CEP63: variants seen among roughly 807,000 people sequenced by gnomAD.
CEP63 encodes centrosomal protein of 63 kDa.
CEP63 carries 84 observed loss-of-function variants against 89.1 expected under a neutral mutation model. That is an observed-to-expected ratio of 0.94 (90% CI 0.79 to 1.13). The LOEUF is 1.13. Among genes scored for constraint, CEP63 ranks in the 50% most tolerant of loss-of-function variants. The pLI, the probability that CEP63 is intolerant of heterozygous loss-of-function variation, is 0.00. For synonymous variants in CEP63, 267 were observed against 272.5 expected (o/e 0.98, Z 0.20); for missense variants, 838 against 813.3 (o/e 1.03, Z -0.37).
chr3:134,665,700 CACAG>C, the CEP63 span, among the ~76,000 whole-genome samples: 313 of 106,606 alleles, frequency 2.9e-3, 2 homozygotes, highest in African/African-American at 0.011. Flanking sequence ...CACACACACA[CACAG>C]AGAGAGAGAG....
At chr3:134,585,386 TG>T (rs1958463894) in intron 10 of CEP63, among the ~76,000 whole-genome samples, 1 of 152,200 alleles carries the variant, frequency 6.6e-6, no homozygotes, top group Admixed American at 6.5e-5. Context: ...TGGTATGTTG[TG>T]TCTTTGTTCT....
At chr3:134,554,750 T>C (rs1251587202) in intron 12 of CEP63, among the ~76,000 whole-genome samples, 2 of 152,164 alleles carry the variant, frequency 1.3e-5, no homozygotes, top group African/African-American at 4.8e-5. Flanking sequence ...CACCTGTTGT[T>C]TCCTGACTTT....
the CEP63 span, among the ~76,000 whole-genome samples, chr3:134,744,906 C>G: frequency 6.6e-6 from 1 of 152,172 alleles, no homozygotes; most frequent in African/African-American, 2.4e-5. Context: ...ACACCCTCAT[C>G]TTTTCTAAAA....
chr3:134,576,010 C>T (rs1958205628), downstream of CEP63, among the ~76,000 whole-genome samples: 2 of 152,218 alleles, frequency 1.3e-5, no homozygotes, highest in South Asian at 4.1e-4. Flanking sequence ...ATCATAATTA[C>T]ATATTGCAGA....
At chr3:134,585,305 G>T (rs1958461321) in intron 10 of CEP63, among the ~76,000 whole-genome samples, 1 of 151,974 alleles carries the variant, frequency 6.6e-6, no homozygotes, top group Non-Finnish European at 1.5e-5. Context: ...GATCTTTCCT[G>T]CCTTCTCTTG....
At chr3:134,529,797 C>G (rs1409124923) in intron 3 of CEP63, among the ~76,000 whole-genome samples, 1 of 151,266 alleles carries the variant, frequency 6.6e-6, no homozygotes, top group Non-Finnish European at 1.5e-5. Context: ...GTGAGCCACT[C>G]TACCTGGCTC....
At chr3:134,639,939 C>T in the CEP63 span, 2 of 106,778 alleles carry the variant, frequency 1.9e-5, no homozygotes, top group African/African-American at 3.9e-5. Flanking sequence ...CACAGAGTGA[C>T]ACCCTGTCTC....
In CEP63 at chr3:134,561,455, C is replaced by G; in HGVS notation, c.2032C>G (p.Leu678Val). The change falls in exon 15 of 15, where the codon CTA becomes GTA. Residue 678 changes from leucine to valine, a missense_variant. Transcript: ENST00000675561. Reference sequence around the variant, plus strand: ...GGAGGAACTGAGGTCTCATCACATTCTAGAGCGCTTGGATGCCCATATTGA... The same window carrying G: ...GGAGGAACTGAGGTCTCATCACATTGTAGAGCGCTTGGATGCCCATATTGA... ...EEEELRSHHI[L>V]ERLDAHIEEL... is the part of the protein sequence containing the mutation. The G allele has an allele frequency of 6.2e-7, 1 of 1,613,864 alleles. No homozygotes were observed. Among genetic ancestry groups the G allele is most frequent in the Non-Finnish European group, 8.5e-7 (1 of 1,179,830 alleles).
At chr3:134,766,080 T>C in the CEP63 span, among the ~76,000 whole-genome samples, 2 of 152,196 alleles carry the variant, frequency 1.3e-5, no homozygotes, top group African/African-American at 2.4e-5. Flanking sequence ...AATCAACTTG[T>C]GTGGGAAGAA....
At chr3:134,625,208 C>T in the CEP63 span, 1 of 1,172,228 alleles carries the variant, frequency 8.5e-7, no homozygotes. Context: ...GCCTTGCTGT[C>T]TCTTTGAGGA....
intron 11 of CEP63, among the ~76,000 whole-genome samples, chr3:134,573,013 A>G (rs1437011723): frequency 6.6e-6 from 1 of 152,108 alleles, no homozygotes; most frequent in Non-Finnish European, 1.5e-5. Context: ...ATAATTAGTG[A>G]TGTTGAGCAT....
At chr3:134,752,918 C>T in the CEP63 span, among the ~76,000 whole-genome samples, 13 of 152,110 alleles carry the variant, frequency 8.5e-5, no homozygotes, top group African/African-American at 1.4e-4. Flanking sequence ...CTCTGCCTAC[C>T]GCTTCCAGGC....
At chr3:134,691,799 A>G in the CEP63 span, among the ~76,000 whole-genome samples, 3 of 151,658 alleles carry the variant, frequency 2.0e-5, no homozygotes, top group Non-Finnish European at 4.4e-5. Flanking sequence ...GGCTCACTGC[A>G]ACCTCTGCCT....
chr3:134,534,219 A>T (rs1183380330), intron 5 of CEP63, among the ~76,000 whole-genome samples: 2 of 152,162 alleles, frequency 1.3e-5, no homozygotes, highest in African/African-American at 4.8e-5. Flanking sequence ...GGATCTTAGG[A>T]TCTGGAGAGA....
chr3:134,740,738 C>A, the CEP63 span, among the ~76,000 whole-genome samples: 2 of 152,140 alleles, frequency 1.3e-5, no homozygotes, highest in African/African-American at 4.8e-5. Context: ...AAACACTATT[C>A]AGAACTCAAA....
intron 11 of CEP63, among the ~76,000 whole-genome samples, chr3:134,571,458 G>T (rs144018924): frequency 5.3e-4 from 80 of 152,304 alleles, no homozygotes; most frequent in African/African-American, 1.9e-3. Flanking sequence ...GAGGCAGGTG[G>T]ATCATGAGGT....
intron 12 of CEP63, among the ~76,000 whole-genome samples, chr3:134,556,804 A>G (rs1391947260): frequency 6.6e-6 from 1 of 152,154 alleles, no homozygotes; most frequent in East Asian, 1.9e-4. Flanking sequence ...ATTACCTTTC[A>G]TATTCATTTA....
At position 134,562,106 on chromosome 3, in the gene CEP63, G is replaced by T. The variant is rs9809619; in HGVS notation, c.*571G>T. 661,891 of 989,508 alleles carry T rather than the reference G, an allele frequency of 0.67. 222,024 individuals are homozygous for T. The highest frequency in any genetic ancestry group is 0.81 in the East Asian group (7,195 of 8,874). 61.3% of individuals were successfully genotyped at this position (989,508 alleles called of 1,614,324 possible). A position where few individuals can be genotyped will look rare whatever the true frequency, so the allele number is the denominator to read the frequency against. On this transcript the variant is annotated 3_prime_UTR_variant, in exon 15 of 15. Transcript: ENST00000675561. ...GAACCTTATCAAGCAGTCCTCTCTT[G>T]CTCAACACTCATGCAGAGGAGAGAG...
chr3:134,632,473 A>C, the CEP63 span, among the ~76,000 whole-genome samples: 8 of 152,052 alleles, frequency 5.3e-5, no homozygotes, highest in Admixed American at 3.9e-4. Flanking sequence ...GAAAATGTCC[A>C]AGTATTAAAA....
Sources: gnomAD v4.1 joint callset for allele counts (sites outside exome capture counted in the v4.1 genomes callset) on GRCh38, gnomAD v4.1.1 for gene constraint, MANE v1.5 for transcripts, NCBI Gene and HGNC (gene_info 2026-07-23, HGNC 2026-07-21) for gene names.